Variants in LARGE1 observed in about 807,000 individuals in gnomAD.
LARGE1 encodes the protein LARGE xylosyl- and glucuronyltransferase 1, also known as xylosyl- and glucuronyltransferase LARGE1.
A neutral mutation model predicts 87.6 loss-of-function variants in LARGE1; 43 were observed. The observed-to-expected ratio is 0.49, with a 90% CI of 0.38 to 0.63. LARGE1 has a LOEUF of 0.63. Among genes scored for constraint, LARGE1 ranks in the 30% least tolerant of loss-of-function variants. The pLI, the probability that LARGE1 is intolerant of heterozygous loss-of-function variation, is 0.00. For synonymous variants in LARGE1, 434 were observed against 394.6 expected (o/e 1.10, Z -1.18); for missense variants, 802 against 1,000.2 (o/e 0.80, Z 2.67).
At chr22:33,628,796 C>T (rs1194358359) in intron 3 of LARGE1, among the ~76,000 whole-genome samples, 1 of 56 alleles carries the variant, frequency 0.018, no homozygotes, top group Admixed American at 0.5. Context: ...TATCCTCCAA[C>T]CCGCAGACAT....
chr22:33,709,308 C>T (rs2082655799), intron 2 of LARGE1, among the ~76,000 whole-genome samples: 1 of 152,098 alleles, frequency 6.6e-6, no homozygotes, highest in Non-Finnish European at 1.5e-5. Context: ...CACCACGCCA[C>T]GAAGGTGCCT....
At chr22:33,502,855 G>C (rs1238011719) in intron 6 of LARGE1, among the ~76,000 whole-genome samples, 1 of 152,148 alleles carries the variant, frequency 6.6e-6, no homozygotes, top group Non-Finnish European at 1.5e-5. Flanking sequence ...GTGCACAGCA[G>C]AAATTGAAGC....
chr22:33,560,817 C>CTT lies in LARGE1; in HGVS notation c.787+4029_787+4030dup, dbSNP rs10710316. Among the ~76,000 whole-genome samples the CTT allele has an allele frequency of 3.0e-3, 428 of 142,358 alleles. 2 individuals are homozygous for CTT. Among genetic ancestry groups the CTT allele is most frequent in the Non-Finnish European group, 5.2e-3 (332 of 64,466 alleles). The allele number at this position is 142,358 out of a possible 152,430, so 93.4% of individuals were successfully genotyped here. A position where few individuals can be genotyped will look rare whatever the true frequency, so the allele number is the denominator to read the frequency against. The stretch of plus-strand genomic sequence containing the variant: ...TCTCTCTTGAGCCCAGTTTATTTAA[C>CTT]TTTTTTTTTTTTTTTGAGACAGAGT... On this transcript the variant is annotated intron_variant, in intron 6 of 14. Coordinates refer to ENST00000397394, the MANE Select transcript of LARGE1 (RefSeq NM_133642.5).
chr22:33,711,945 G>C (rs910619043), intron 2 of LARGE1, among the ~76,000 whole-genome samples: 2 of 152,196 alleles, frequency 1.3e-5, no homozygotes, highest in African/African-American at 4.8e-5. Context: ...GTAGGCGTGA[G>C]CCACCGTGCC....
intron 9 of LARGE1, among the ~76,000 whole-genome samples, chr22:33,373,153 G>A (rs1374069355): frequency 6.6e-6 from 1 of 152,148 alleles, no homozygotes; most frequent in Non-Finnish European, 1.5e-5. Context: ...TGATCAAGTT[G>A]CCTGTAATTA....
chr22:33,615,856 A>C (rs1054138368), intron 4 of LARGE1, among the ~76,000 whole-genome samples: 14 of 152,344 alleles, frequency 9.2e-5, no homozygotes, highest in African/African-American at 3.4e-4. Context: ...AAATTGAGCA[A>C]AGGATTTAAA....
At chr22:33,894,930 G>C (rs1334181303) in intron 1 of LARGE1, among the ~76,000 whole-genome samples, 3 of 152,166 alleles carry the variant, frequency 2.0e-5, no homozygotes, top group Non-Finnish European at 4.4e-5. Context: ...ATATACCAAA[G>C]TGGAATGCCT....
At chr22:33,488,678 C>G (rs2148267522) in intron 6 of LARGE1, among the ~76,000 whole-genome samples, 1 of 152,234 alleles carries the variant, frequency 6.6e-6, no homozygotes, top group South Asian at 2.1e-4. Context: ...AATGGCTCAC[C>G]TACTATCATT....
chr22:33,788,557 A>G (rs1039328988), intron 1 of LARGE1, among the ~76,000 whole-genome samples: 12 of 152,208 alleles, frequency 7.9e-5, no homozygotes, highest in African/African-American at 2.7e-4. Flanking sequence ...CTTCCTAGAA[A>G]CTTGTTCAAT....
chr22:33,776,386 A>G (rs906570744), intron 1 of LARGE1, among the ~76,000 whole-genome samples: 7 of 152,314 alleles, frequency 4.6e-5, no homozygotes, highest in African/African-American at 1.4e-4. Context: ...AAAATTTTCC[A>G]CTTACAATAT....
intron 7 of LARGE1, among the ~76,000 whole-genome samples, chr22:33,407,364 A>G (rs964260484): frequency 2.0e-5 from 3 of 152,246 alleles, no homozygotes; most frequent in Non-Finnish European, 4.4e-5. Context: ...ATTGAACAAG[A>G]GTAAGAAGAC....
chr22:33,642,733 A>AAAAAAAC, intron 3 of LARGE1, among the ~76,000 whole-genome samples: 1 of 149,344 alleles, frequency 6.7e-6, no homozygotes, highest in Non-Finnish European at 1.5e-5. Context: ...AAAAAAAAAA[A>AAAAAAAC]AAGGCAGGAG....
At chr22:33,318,006 G>A (rs1439960787) in intron 10 of LARGE1, among the ~76,000 whole-genome samples, 3 of 151,968 alleles carry the variant, frequency 2.0e-5, no homozygotes, top group Non-Finnish European at 4.4e-5. Context: ...GGAGGCTGAG[G>A]CAGGTGGATC....
chr22:33,274,175 C>T lies in LARGE1; in HGVS notation c.*252G>A, dbSNP rs781118884. ...TTTACTCCCTGTCACCCCTTGATTTCCCATTCTTGAAGAGACTCATCTAGG... is the reference window on the plus strand; with the variant it reads ...TTTACTCCCTGTCACCCCTTGATTTTCCATTCTTGAAGAGACTCATCTAGG... On this transcript the variant is annotated 3_prime_UTR_variant, in exon 15 of 15. Coordinates refer to ENST00000397394, the MANE Select transcript of LARGE1 (RefSeq NM_133642.5). The T allele has an allele frequency of 4.2e-5, 25 of 589,640 alleles. No individual in the cohort carries two copies. Among genetic ancestry groups the T allele is most frequent in the Non-Finnish European group, 6.6e-5 (22 of 331,502 alleles). The allele number at this position is 589,640 out of a possible 1,614,324, so 36.5% of individuals were successfully genotyped here.
rs1377805891 is a variant in LARGE1, at chr22:33,387,211, A to G, written c.893-2907T>C. ...AGGCCAAGGTGCACAGATCATCTGA[A>G]GTCAGGAGTCCAAGACCAGCCCCGC... is the stretch of plus-strand genomic sequence containing the variant. On this transcript the variant is annotated intron_variant, in intron 7 of 14. Transcript: ENST00000397394. 6.8e-5 allele frequency among the ~76,000 whole-genome samples: 10 copies of G among 147,954 alleles called. 1 individual carries two copies. The highest frequency in any genetic ancestry group is 1.5e-4 in the Non-Finnish European group (10 of 66,176).
intron 6 of LARGE1, among the ~76,000 whole-genome samples, chr22:33,474,308 C>T (rs1425371013): frequency 6.6e-6 from 1 of 152,148 alleles, no homozygotes; most frequent in Non-Finnish European, 1.5e-5. Context: ...GGATTATAGG[C>T]ATGCACCACC....
intron 1 of LARGE1, among the ~76,000 whole-genome samples, chr22:33,848,801 G>C (rs1216998647): frequency 6.6e-6 from 1 of 152,212 alleles, no homozygotes; most frequent in East Asian, 1.9e-4. Flanking sequence ...TCAGGTCCTT[G>C]ATCTGTCCCC....
chr22:33,466,406 A>G (rs1317850227), intron 6 of LARGE1, among the ~76,000 whole-genome samples: 1 of 150,278 alleles, frequency 6.7e-6, no homozygotes, highest in Non-Finnish European at 1.5e-5. Context: ...ATACTTGAAC[A>G]CCCAGGCTCT....
At chr22:33,374,972 G>A (rs755811281) in intron 9 of LARGE1, among the ~76,000 whole-genome samples, 4 of 152,114 alleles carry the variant, frequency 2.6e-5, no homozygotes, top group South Asian at 2.1e-4. Context: ...TTATGGAAGC[G>A]ACTCTAACAA....
Sources: gnomAD v4.1 joint callset for allele counts (sites outside exome capture counted in the v4.1 genomes callset) on GRCh38, gnomAD v4.1.1 for gene constraint, MANE v1.5 for transcripts, NCBI Gene and HGNC (gene_info 2026-07-23, HGNC 2026-07-21) for gene names.